TCF4: variants seen among roughly 807,000 people sequenced by gnomAD.
TCF4 encodes transcription factor 4.
A neutral mutation model predicts 82.1 loss-of-function variants in TCF4; 3 were observed. The observed-to-expected ratio is 0.04, with a 90% CI of 0.02 to 0.09. TCF4 has a LOEUF of 0.09. TCF4 is among the 10% of genes least tolerant of loss of function. The pLI is 1.00. For missense variants in TCF4, 518 were observed against 852.7 expected, an observed-to-expected ratio of 0.61 and a Z score of 4.89; for synonymous variants, 276 against 309.6, an observed-to-expected ratio of 0.89 and a Z score of 1.14.
intron 6 of TCF4, among the ~76,000 whole-genome samples, chr18:55,386,874 G>A (rs1025794205): frequency 6.6e-6 from 1 of 152,126 alleles, no homozygotes; most frequent in Admixed American, 6.5e-5. Context: ...GAATATAAGG[G>A]GTGCTCCAGT....
chr18:55,373,108 C>T (rs2089773892), intron 6 of TCF4, among the ~76,000 whole-genome samples: 1 of 151,728 alleles, frequency 6.6e-6, no homozygotes, highest in Non-Finnish European at 1.5e-5. Flanking sequence ...CAGTGGCTGT[C>T]ACATTAGGCT....
chr18:55,348,360 T>C (rs1296264849), intron 8 of TCF4, among the ~76,000 whole-genome samples: 1 of 152,120 alleles, frequency 6.6e-6, no homozygotes. Context: ...AAAAAGGCTA[T>C]TCATCAAAAT....
At chr18:55,265,626 G>A (rs2058987939) in intron 11 of TCF4, 1 of 152,062 alleles carries the variant, frequency 6.6e-6, no homozygotes, top group Non-Finnish European at 1.5e-5. Flanking sequence ...CTTGTTCATC[G>A]CCTGACTACT....
intron 19 of TCF4, 90 bp from the exon 20 acceptor site, chr18:55,228,120 A>G: frequency 6.8e-7 from 1 of 1,468,014 alleles, no homozygotes; most frequent in Non-Finnish European, 9.4e-7. Flanking sequence ...TTTTCCATGA[A>G]AGAAAATATC....
chr18:55,512,768 G>T (rs900842747), intron 3 of TCF4, among the ~76,000 whole-genome samples: 2 of 152,026 alleles, frequency 1.3e-5, no homozygotes, highest in African/African-American at 2.4e-5. Context: ...TACATTGCAT[G>T]TGTTTAAAAA....
At chr18:55,473,768 C>A (rs1214821785) in intron 3 of TCF4, among the ~76,000 whole-genome samples, 2 of 152,186 alleles carry the variant, frequency 1.3e-5, no homozygotes, top group Non-Finnish European at 2.9e-5. Context: ...AAATCCATTT[C>A]TTTCATAGTA....
intron 5 of TCF4, among the ~76,000 whole-genome samples, chr18:55,446,689 A>C (rs936484076): frequency 6.6e-6 from 1 of 152,190 alleles, no homozygotes; most frequent in South Asian, 2.1e-4. Context: ...GTGAGTACCC[A>C]AAAATCTTAG....
chr18:55,329,454 A>G (rs1024322188), intron 8 of TCF4, among the ~76,000 whole-genome samples: 1 of 152,222 alleles, frequency 6.6e-6, no homozygotes, highest in Admixed American at 6.5e-5. Context: ...GAGTAATCTA[A>G]AAGACTTTTT....
chr18:55,431,655 G>A (rs1024437130), intron 5 of TCF4, among the ~76,000 whole-genome samples: 7 of 152,120 alleles, frequency 4.6e-5, no homozygotes, highest in African/African-American at 1.2e-4. Context: ...CTGACTGAAC[G>A]GTGAAGACTT....
intron 3 of TCF4, among the ~76,000 whole-genome samples, chr18:55,563,725 T>G (rs1268658977): frequency 6.6e-6 from 1 of 152,234 alleles, no homozygotes; most frequent in Non-Finnish European, 1.5e-5. Flanking sequence ...GATATTAAGG[T>G]AAGAGAACGT....
intron 3 of TCF4, among the ~76,000 whole-genome samples, chr18:55,574,067 G>C (rs1182248401): frequency 6.6e-6 from 1 of 152,054 alleles, no homozygotes; most frequent in Admixed American, 6.5e-5. Context: ...TGCTCAAAAA[G>C]GACGAATGGA....
intron 8 of TCF4, chr18:55,322,509 GT>G: frequency 1.0e-6 from 1 of 980,798 alleles, no homozygotes; most frequent in Non-Finnish European, 1.2e-6. Context: ...TGACTGCTTG[GT>G]CAACAACCTA....
intron 5 of TCF4, among the ~76,000 whole-genome samples, chr18:55,440,867 T>C (rs1052568550): frequency 6.6e-5 from 10 of 152,174 alleles, no homozygotes; most frequent in Admixed American, 4.6e-4. Flanking sequence ...CAGCATAACT[T>C]TGGGGTGTCT....
chr18:55,368,462 C>T (rs965084418), intron 6 of TCF4, among the ~76,000 whole-genome samples: 5 of 152,082 alleles, frequency 3.3e-5, no homozygotes, highest in African/African-American at 1.2e-4. Flanking sequence ...CCCATTAACC[C>T]AGCCTCACCT....
chr18:55,559,957 A>C (rs2097340629), intron 3 of TCF4, among the ~76,000 whole-genome samples: 1 of 152,174 alleles, frequency 6.6e-6, no homozygotes, highest in South Asian at 2.1e-4. Flanking sequence ...TTGATTCAAA[A>C]CACAGCTGCT....
At chr18:55,261,631 A>G (rs2058097285) in intron 11 of TCF4, 98 bp from the exon 12 acceptor site, 1 of 1,304,080 alleles carries the variant, frequency 7.7e-7, no homozygotes, top group Non-Finnish European at 1.1e-6. Flanking sequence ...TGCATTTTTA[A>G]TGCTAATTAC....
In TCF4 at chr18:55,504,470, T is replaced by C. The variant is rs553688766; in HGVS notation, c.146-40333A>G. Among the ~76,000 whole-genome samples, 9 of 152,314 alleles carry C rather than the reference T, an allele frequency of 5.9e-5. No homozygotes were observed. In the East Asian group the frequency reaches 1.7e-3, roughly 29 times the overall value. ...CATTTCAATCACTAAAGTTATCACA[T>C]GCTAATAAGTATAGACACTGTAATT... On this transcript the variant is annotated intron_variant, in intron 3 of 19. Coordinates refer to ENST00000354452, the MANE Select transcript of TCF4 (RefSeq NM_001083962.2).
At chr18:55,325,627 A>G (rs1602729883) in intron 8 of TCF4, among the ~76,000 whole-genome samples, 1 of 152,326 alleles carries the variant, frequency 6.6e-6, no homozygotes, top group Middle Eastern at 3.4e-3. Context: ...CCCGAATATA[A>G]CTTGGTAGAA....
At chr18:55,453,246 A>G (rs1318800590) in intron 5 of TCF4, among the ~76,000 whole-genome samples, 2 of 140,918 alleles carry the variant, frequency 1.4e-5, no homozygotes, top group Admixed American at 7.2e-5. Context: ...TGTGACCCCC[A>G]TCTTTAGACA....
Sources: gnomAD v4.1 joint callset for allele counts (sites outside exome capture counted in the v4.1 genomes callset) on GRCh38, gnomAD v4.1.1 for gene constraint, MANE v1.5 for transcripts, NCBI Gene and HGNC (gene_info 2026-07-23, HGNC 2026-07-21) for gene names.